FOCAD: variants seen among roughly 807,000 people sequenced by gnomAD.
FOCAD encodes focadhesin.
A neutral mutation model predicts 225.6 loss-of-function variants in FOCAD; 198 were observed. The ratio of observed to expected loss-of-function variants is 0.88; its 90% confidence interval spans 0.78 to 0.99. The LOEUF is 0.99. FOCAD is among the 50% of genes least tolerant of loss of function. The pLI is 0.00. For missense variants in FOCAD, 2,713 were observed against 2,123.6 expected, an observed-to-expected ratio of 1.28 and a Z score of -5.46; for synonymous variants, 897 against 755.0, an observed-to-expected ratio of 1.19 and a Z score of -3.08.
At chr9:20,822,906 A>G in intron 14 of FOCAD, 83 bp from the exon 15 acceptor site, 1 of 1,336,594 alleles carries the variant, frequency 7.5e-7, no homozygotes, top group Non-Finnish European at 9.9e-7. Context: ...AAAATGATGG[A>G]TGCTTTTTGT....
At chr9:20,919,668 A>G (rs1159797531) in intron 24 of FOCAD, among the ~76,000 whole-genome samples, 1 of 152,246 alleles carries the variant, frequency 6.6e-6, no homozygotes, top group Non-Finnish European at 1.5e-5. Flanking sequence ...CATATCTACA[A>G]CTATCTGATC....
At chr9:20,730,373 G>A (rs1222558414) in intron 4 of FOCAD, among the ~76,000 whole-genome samples, 1 of 152,010 alleles carries the variant, frequency 6.6e-6, no homozygotes, top group Non-Finnish European at 1.5e-5. Flanking sequence ...GGAAAGGCAG[G>A]ATATATATGT....
intron 11 of FOCAD, among the ~76,000 whole-genome samples, chr9:20,794,441 A>G (rs1820850161): frequency 6.6e-6 from 1 of 152,214 alleles, no homozygotes; most frequent in African/African-American, 2.4e-5. Context: ...AAAAGTGAAG[A>G]CATTGAGGGT....
intron 39 of FOCAD, among the ~76,000 whole-genome samples, chr9:20,985,742 T>G (rs1841095040): frequency 6.6e-6 from 1 of 152,196 alleles, no homozygotes; most frequent in African/African-American, 2.4e-5. Context: ...GGCCAATGTT[T>G]AATGGAACTA....
chr9:20,747,329 AT>A (rs542884330), intron 5 of FOCAD, among the ~76,000 whole-genome samples: 2 of 151,566 alleles, frequency 1.3e-5, no homozygotes, highest in East Asian at 1.9e-4. Context: ...TCCAAGTTAA[AT>A]TTTTTTTTAC....
intron 35 of FOCAD, among the ~76,000 whole-genome samples, chr9:20,964,086 C>T (rs1319832824): frequency 1.3e-5 from 2 of 151,958 alleles, no homozygotes; most frequent in Admixed American, 1.3e-4. Context: ...CAGGGGTTGG[C>T]CAGATGTGGT....
chr9:20,934,261 C>T (rs978988447), intron 28 of FOCAD, among the ~76,000 whole-genome samples: 1 of 152,080 alleles, frequency 6.6e-6, no homozygotes, highest in Non-Finnish European at 1.5e-5. Flanking sequence ...CTTTTTGGTT[C>T]TTCATCATGA....
intron 15 of FOCAD, among the ~76,000 whole-genome samples, chr9:20,862,145 G>A (rs1291862003): frequency 6.6e-6 from 1 of 152,102 alleles, no homozygotes; most frequent in Admixed American, 6.6e-5. Context: ...AATTTTCTGA[G>A]TGGTGATATT....
chr9:20,871,675 G>A (rs1459203598), intron 18 of FOCAD, among the ~76,000 whole-genome samples: 3 of 141,392 alleles, frequency 2.1e-5, no homozygotes, highest in Admixed American at 7.4e-5. Context: ...ACCAAACACC[G>A]CATGTTCTCA....
intron 11 of FOCAD, among the ~76,000 whole-genome samples, chr9:20,805,231 C>G (rs1822295002): frequency 6.6e-6 from 1 of 152,114 alleles, no homozygotes; most frequent in African/African-American, 2.4e-5. Context: ...ATTTTTAGTT[C>G]TGCATGGCAA....
intron 18 of FOCAD, 97 bp downstream of exon 18, chr9:20,867,109 A>G: frequency 1.4e-6 from 1 of 715,570 alleles, no homozygotes; most frequent in Non-Finnish European, 2.4e-6. Context: ...ATGAATATAT[A>G]CATAACCCTA....
intron 21 of FOCAD, among the ~76,000 whole-genome samples, chr9:20,886,481 A>G (rs1831111250): frequency 6.6e-6 from 1 of 152,210 alleles, no homozygotes; most frequent in Non-Finnish European, 1.5e-5. Flanking sequence ...AGTCACCATC[A>G]GAACAGAAAC....
chr9:20,866,058 A>G (rs1420073710), intron 17 of FOCAD, 82 bp downstream of exon 17: 20 of 1,154,022 alleles, frequency 1.7e-5, no homozygotes, highest in Admixed American at 1.2e-4. Context: ...CTCTTAGGAT[A>G]AAAAGTACAA....
intron 4 of FOCAD, among the ~76,000 whole-genome samples, chr9:20,729,764 T>C (rs1826516643): frequency 6.6e-6 from 1 of 152,172 alleles, no homozygotes; most frequent in Non-Finnish European, 1.5e-5. Context: ...GCCTTTCAGC[T>C]CTAGCTTTGA....
chr9:20,801,771 A>G (rs968261960), intron 11 of FOCAD, among the ~76,000 whole-genome samples: 57 of 152,258 alleles, frequency 3.7e-4, no homozygotes, highest in African/African-American at 1.3e-3. Context: ...TGTCAAAGAA[A>G]GGCAGTCACA....
At chr9:20,700,182 A>G (rs118081080) in intron 1 of FOCAD, among the ~76,000 whole-genome samples, 5,664 of 152,010 alleles carry the variant, frequency 0.037, 131 homozygotes, top group Middle Eastern at 0.11. Flanking sequence ...TTTTACCCCA[A>G]TGGGAAATAC....
intron 22 of FOCAD, among the ~76,000 whole-genome samples, chr9:20,909,134 T>C (rs1833225887): frequency 6.6e-6 from 1 of 152,096 alleles, no homozygotes; most frequent in African/African-American, 2.4e-5. Flanking sequence ...TGACTTGCAA[T>C]TGATTAAAAA....
intron 35 of FOCAD, 61 bp from the exon 36 acceptor site, chr9:20,976,359 A>G (rs923179475): frequency 1.8e-5 from 28 of 1,528,880 alleles, no homozygotes; most frequent in Non-Finnish European, 2.3e-5. Flanking sequence ...AATTGTTGGC[A>G]TTTTCCACTT....
intron 6 of FOCAD, among the ~76,000 whole-genome samples, chr9:20,761,224 C>G (rs991439332): frequency 1.4e-4 from 21 of 152,072 alleles, no homozygotes; most frequent in African/African-American, 5.1e-4. Flanking sequence ...AGGCCTATGA[C>G]TTTAACCTTT....
Sources: allele counts gnomAD v4.1 joint callset (sites outside exome capture counted in the v4.1 genomes callset), GRCh38; gene constraint gnomAD v4.1.1; transcripts MANE v1.5; gene names NCBI Gene and HGNC (gene_info 2026-07-23, HGNC 2026-07-21).